Variants in TENM2 observed in about 807,000 individuals in gnomAD.
TENM2 encodes teneurin transmembrane protein 2.
In TENM2, 52 loss-of-function variants were observed where a neutral mutation model predicts 245.2. The ratio of observed to expected loss-of-function variants is 0.21; its 90% confidence interval spans 0.17 to 0.27. TENM2 has a LOEUF of 0.27. TENM2 is among the 10% of genes least tolerant of loss of function. TENM2 has a pLI of 1.00. For missense variants in TENM2, 3,046 were observed against 3,666.8 expected, an observed-to-expected ratio of 0.83 and a Z score of 4.37; for synonymous variants, 1,363 against 1,438.9, an observed-to-expected ratio of 0.95 and a Z score of 1.19.
intron 2 of TENM2, among the ~76,000 whole-genome samples, chr5:167,594,256 A>G (rs1048092132): frequency 6.6e-6 from 1 of 152,204 alleles, no homozygotes; most frequent in Admixed American, 6.5e-5. Flanking sequence ...GTCTTTAGCC[A>G]TAGAAGTTGT....
chr5:167,402,430 G>T (rs1239926556), intron 2 of TENM2, among the ~76,000 whole-genome samples: 3 of 152,064 alleles, frequency 2.0e-5, no homozygotes, highest in South Asian at 4.1e-4. Context: ...ATGTATGAAG[G>T]TTTAATGCTT....
At chr5:168,170,704 C>T (rs915482370) in intron 13 of TENM2, among the ~76,000 whole-genome samples, 1 of 152,196 alleles carries the variant, frequency 6.6e-6, no homozygotes. Flanking sequence ...AGTGGTCTCC[C>T]TGCACTCCTC....
intron 2 of TENM2, among the ~76,000 whole-genome samples, chr5:167,736,526 A>T (rs1037479662): frequency 1.4e-4 from 22 of 152,232 alleles, no homozygotes; most frequent in Middle Eastern, 3.4e-3. Context: ...CAAATCCTAT[A>T]TTGCTCACTT....
At chr5:167,789,134 C>G (rs778686924) in intron 2 of TENM2, among the ~76,000 whole-genome samples, 22 of 152,116 alleles carry the variant, frequency 1.4e-4, no homozygotes, top group African/African-American at 1.9e-4. Flanking sequence ...ACAAAGGTAT[C>G]AATAAAAAAA....
chr5:167,320,558 T>C (rs372693491), intron 1 of TENM2, among the ~76,000 whole-genome samples: 18 of 97,710 alleles, frequency 1.8e-4, no homozygotes, highest in African/African-American at 6.8e-4. Flanking sequence ...TAATTGCCAT[T>C]GTAACAGTAT....
At chr5:167,337,335 C>T (rs1234504831) in intron 1 of TENM2, among the ~76,000 whole-genome samples, 2 of 152,122 alleles carry the variant, frequency 1.3e-5, no homozygotes, top group African/African-American at 2.4e-5. Context: ...CTTTATTAAG[C>T]AGTCAACATT....
At chr5:167,145,657 G>A in the TENM2 span, among the ~76,000 whole-genome samples, 2 of 152,110 alleles carry the variant, frequency 1.3e-5, no homozygotes, top group Admixed American at 6.6e-5. Context: ...GCATTTTCTC[G>A]TTGCAGCGCC....
chr5:167,127,848 A>G, the TENM2 span, among the ~76,000 whole-genome samples: 26 of 152,126 alleles, frequency 1.7e-4, no homozygotes, highest in African/African-American at 6.3e-4. Flanking sequence ...TGACCTTGTC[A>G]TCAAAATACT....
chr5:167,432,162 C>T lies in TENM2; in HGVS notation c.502+56689C>T, dbSNP rs560708248. Among the ~76,000 whole-genome samples the T allele has an allele frequency of 6.3e-4, 96 of 151,414 alleles. 1 individual carries two copies. In the South Asian group the frequency reaches 0.018, roughly 28 times the overall value. ...CCACCATAGATTTTTAGGAGAGATTCGCAATATGGGAAAGCACAGTGAGTG... is the reference window on the plus strand; with the variant it reads ...CCACCATAGATTTTTAGGAGAGATTTGCAATATGGGAAAGCACAGTGAGTG... On this transcript the variant is annotated intron_variant, in intron 2 of 28. Transcript: ENST00000518659.
intron 2 of TENM2, among the ~76,000 whole-genome samples, chr5:167,809,050 T>G (rs1344256090): frequency 1.7e-4 from 26 of 152,152 alleles, no homozygotes; most frequent in Admixed American, 1.7e-3. Context: ...ATGTATAAGA[T>G]AACATCAGTG....
chr5:167,029,857 A>G, the TENM2 span, among the ~76,000 whole-genome samples: 55,858 of 152,026 alleles, frequency 0.37, 10,841 homozygotes, highest in Non-Finnish European at 0.45. Context: ...CCAATTGTGT[A>G]AGGGAATATA....
chr5:167,505,411 A>G (rs900911416), intron 2 of TENM2, among the ~76,000 whole-genome samples: 50 of 152,182 alleles, frequency 3.3e-4, no homozygotes, highest in African/African-American at 1.1e-3. Flanking sequence ...GCTGCCACTT[A>G]GTTGTTTAGA....
chr5:168,096,498 T>C (rs1400419771), intron 8 of TENM2, among the ~76,000 whole-genome samples: 1 of 152,164 alleles, frequency 6.6e-6, no homozygotes, highest in Non-Finnish European at 1.5e-5. Context: ...AAAAAGCAAA[T>C]ATACTCATTG....
At chr5:167,448,390 C>T (rs1010995113) in intron 2 of TENM2, among the ~76,000 whole-genome samples, 4 of 151,700 alleles carry the variant, frequency 2.6e-5, no homozygotes, top group African/African-American at 4.8e-5. Flanking sequence ...AAGCAATAAG[C>T]GTCTGTCTGT....
rs142592424 is a variant in TENM2, at chr5:167,292,345, T to C, written c.226+7282T>C. 1.2e-4 allele frequency among the ~76,000 whole-genome samples: 18 copies of C among 152,354 alleles called. No individual in the cohort carries two copies. The East Asian group carries it at 2.1e-3, about 18-fold the overall frequency. Reference sequence around the variant, plus strand: ...TTTTTCATTTCTCAGCTTTGGGGAATGGTATCACAGCCTTGCATTTTAGAT... The same window carrying C: ...TTTTTCATTTCTCAGCTTTGGGGAACGGTATCACAGCCTTGCATTTTAGAT... On this transcript the variant is annotated intron_variant, in intron 1 of 28. Coordinates refer to ENST00000518659, the Ensembl canonical transcript of TENM2.
At chr5:167,596,413 T>A in intron 2 of TENM2, among the ~76,000 whole-genome samples, 1 of 152,156 alleles carries the variant, frequency 6.6e-6, no homozygotes, top group East Asian at 1.9e-4. Flanking sequence ...GTTCCAAGAA[T>A]GTCTTGAGCC....
At chr5:167,553,010 T>G (rs1773056450) in intron 2 of TENM2, among the ~76,000 whole-genome samples, 1 of 152,188 alleles carries the variant, frequency 6.6e-6, no homozygotes. Context: ...AAGCAAGACA[T>G]TAATCAAATA....
intron 2 of TENM2, among the ~76,000 whole-genome samples, chr5:167,418,835 T>A (rs1427263806): frequency 6.6e-6 from 1 of 152,124 alleles, no homozygotes; most frequent in East Asian, 1.9e-4. Context: ...ATTAGTGATG[T>A]GGGTTGAGGT....
At chr5:167,512,952 T>C (rs996346250) in intron 2 of TENM2, among the ~76,000 whole-genome samples, 4 of 152,184 alleles carry the variant, frequency 2.6e-5, no homozygotes, top group Non-Finnish European at 2.9e-5. Flanking sequence ...TATAATTGAT[T>C]AGTACACGAA....
Sources: allele counts gnomAD v4.1 joint callset (sites outside exome capture counted in the v4.1 genomes callset), GRCh38; gene constraint gnomAD v4.1.1; transcripts MANE v1.5; gene names NCBI Gene and HGNC (gene_info 2026-07-23, HGNC 2026-07-21).